ADCY2: variants seen among roughly 807,000 people sequenced by gnomAD.
ADCY2 encodes the protein adenylate cyclase type 2.
In ADCY2, 31 loss-of-function variants were observed where a neutral mutation model predicts 125.2. That is an observed-to-expected ratio of 0.25 (90% CI 0.19 to 0.33). The LOEUF is 0.33. Ranked by LOEUF, ADCY2 falls within the 10% of genes least tolerant of loss-of-function variation. The pLI, the probability that ADCY2 is intolerant of heterozygous loss-of-function variation, is 1.00. For synonymous variants in ADCY2, 512 were observed against 548.4 expected (o/e 0.93, Z 0.93); for missense variants, 904 against 1,418.2 (o/e 0.64, Z 5.82).
chr5:7,495,163 G>C (rs1743302310), intron 2 of ADCY2, among the ~76,000 whole-genome samples: 1 of 152,190 alleles, frequency 6.6e-6, no homozygotes, highest in Admixed American at 6.5e-5. Context: ...TTAGGTGCCT[G>C]CACATGTATG....
intron 2 of ADCY2, among the ~76,000 whole-genome samples, chr5:7,445,424 C>A (rs1741205044): frequency 6.6e-6 from 1 of 152,182 alleles, no homozygotes; most frequent in Non-Finnish European, 1.5e-5. Context: ...CAGGACCACT[C>A]TGTTTTATTT....
At chr5:7,744,983 T>TCTGTTAC (rs1244993189) in intron 15 of ADCY2, among the ~76,000 whole-genome samples, 4 of 152,228 alleles carry the variant, frequency 2.6e-5, no homozygotes, top group Admixed American at 6.5e-5. Flanking sequence ...TTGTGGCCTG[T>TCTGTTAC]CTGTTACCTC....
intron 2 of ADCY2, among the ~76,000 whole-genome samples, chr5:7,507,332 T>A (rs1249267270): frequency 5.9e-5 from 8 of 136,506 alleles, no homozygotes; most frequent in African/African-American, 2.3e-4. Context: ...TCCCAGCTAC[T>A]TGGGAGGCTG....
chr5:7,396,376 C>T lies in ADCY2; in HGVS notation c.80C>T (p.Pro27Leu), dbSNP rs758658597. The change falls in exon 1 of 25, where the codon CCG (proline) becomes CTG (leucine). Residue 27 changes from proline (P) to leucine (L), a missense_variant. Around this residue, in one of 7 missense-constraint regions of ADCY2, gnomAD observed 113 missense variants for 108.0 expected, o/e 1.05. Transcript: ENST00000338316. The surrounding 1 kb of genome is among the most constrained non-coding windows in gnomAD (Gnocchi z 5.7). ...GCGGCGGGCGGCGGAGACGGGCTGC[C>T]GCGGTCCCGGGACTGGCTCTACGAG... ...EEAAGGGDGL[P>L]RSRDWLYESY... 3 of 1,558,426 alleles carry T rather than the reference C, an allele frequency of 1.9e-6. No homozygotes were observed. Among genetic ancestry groups the T allele is most frequent in the Non-Finnish European group, 1.7e-6 (2 of 1,153,592 alleles).
chr5:7,741,671 TCATCAC>T (rs1431409783), intron 14 of ADCY2, among the ~76,000 whole-genome samples: 1 of 27,774 alleles, frequency 3.6e-5, no homozygotes, highest in Non-Finnish European at 7.7e-5. Context: ...ATCATCATCA[TCATCAC>T]CATCACCGTC....
At chr5:7,698,978 G>A (rs561014488) in intron 7 of ADCY2, among the ~76,000 whole-genome samples, 127 of 148,752 alleles carry the variant, frequency 8.5e-4, no homozygotes, top group Non-Finnish European at 1.3e-3. Flanking sequence ...CTGTCACAAC[G>A]GTTGAACTAA....
chr5:7,760,752 T>G (rs921149854), intron 16 of ADCY2, among the ~76,000 whole-genome samples: 2 of 152,230 alleles, frequency 1.3e-5, no homozygotes, highest in Non-Finnish European at 2.9e-5. Context: ...GCTTCTTGTG[T>G]GTGTGATTAG....
At chr5:7,674,062 G>A (rs1740031977) in intron 4 of ADCY2, among the ~76,000 whole-genome samples, 1 of 90,822 alleles carries the variant, frequency 1.1e-5, no homozygotes. Context: ...GGCCTCAGAG[G>A]GTAGGGTCCA....
chr5:7,575,505 G>C (rs1031424271), intron 3 of ADCY2, among the ~76,000 whole-genome samples: 1 of 151,884 alleles, frequency 6.6e-6, no homozygotes. Context: ...TCTTTCATTG[G>C]TTCATTTTTT....
In ADCY2 at chr5:7,828,242, A is replaced by G. The variant is rs1247689464; in HGVS notation, c.*1371A>G. The stretch of plus-strand genomic sequence containing the variant: ...TTTCTTTTTATAACTCATGGCAGGC[A>G]TCTGTAAGAAGTAGAGAACCCAGAT... On this transcript the variant is annotated 3_prime_UTR_variant, in exon 25 of 25. Transcript: ENST00000338316. 1 of 152,820 alleles carries G rather than the reference A, an allele frequency of 6.5e-6. No individual in the cohort carries two copies. Among genetic ancestry groups the G allele is most frequent in the Non-Finnish European group, 1.5e-5 (1 of 68,052 alleles). The allele number at this position is 152,820 out of a possible 1,614,324, so 9.5% of individuals were successfully genotyped here.
intron 11 of ADCY2, among the ~76,000 whole-genome samples, chr5:7,716,395 C>A (rs1741592006): frequency 6.6e-6 from 1 of 152,198 alleles, no homozygotes; most frequent in African/African-American, 2.4e-5. Flanking sequence ...CCAATGTATT[C>A]TTTCATAAAA....
chr5:7,515,533 C>A (rs1414147303), intron 2 of ADCY2, among the ~76,000 whole-genome samples: 2 of 152,118 alleles, frequency 1.3e-5, no homozygotes, highest in African/African-American at 4.8e-5. Context: ...AATGTCTGTC[C>A]AGTTGAGTGT....
At chr5:7,658,879 T>A (rs1739433744) in intron 4 of ADCY2, among the ~76,000 whole-genome samples, 1 of 152,152 alleles carries the variant, frequency 6.6e-6, no homozygotes, top group African/African-American at 2.4e-5. Context: ...TAACTCTTTT[T>A]TTTCGAAGGC....
chr5:7,466,831 G>A (rs1255651571), intron 2 of ADCY2, among the ~76,000 whole-genome samples: 1 of 152,174 alleles, frequency 6.6e-6, no homozygotes, highest in African/African-American at 2.4e-5. Flanking sequence ...GTGCCCGACA[G>A]CATTCTCATG....
intron 2 of ADCY2, among the ~76,000 whole-genome samples, chr5:7,477,214 A>AC (rs1184960246): frequency 6.6e-6 from 1 of 151,674 alleles, no homozygotes; most frequent in Non-Finnish European, 1.5e-5. Flanking sequence ...TTTAAAAGAG[A>AC]CCCCCATTAA....
intron 23 of ADCY2, among the ~76,000 whole-genome samples, chr5:7,817,823 CAAAAAAAAAAAAAAA>C (rs57731885): frequency 1.3e-5 from 1 of 78,298 alleles, no homozygotes; most frequent in African/African-American, 4.5e-5. Flanking sequence ...ACGCTGTCAC[CAAAAAAAAAAAAAAA>C]AAAAAAAAAA....
intron 12 of ADCY2, among the ~76,000 whole-genome samples, chr5:7,719,718 A>G (rs896679934): frequency 2.6e-5 from 4 of 152,184 alleles, no homozygotes; most frequent in Admixed American, 2.6e-4. Context: ...CACTCATACT[A>G]TCAGATCAGG....
intron 3 of ADCY2, among the ~76,000 whole-genome samples, chr5:7,616,930 G>A (rs992820546): frequency 6.6e-6 from 1 of 152,114 alleles, no homozygotes; most frequent in Non-Finnish European, 1.5e-5. Flanking sequence ...CCAGGGTTGT[G>A]TGCTCACAGA....
chr5:7,798,196 AG>A (rs1744484603), intron 20 of ADCY2: 2 of 47,934 alleles, frequency 4.2e-5, no homozygotes, highest in South Asian at 2.1e-3. Context: ...CGGACCTGAG[AG>A]GGTAGTGAGG....
Sources: gnomAD v4.1 joint callset for allele counts (sites outside exome capture counted in the v4.1 genomes callset) on GRCh38, gnomAD v4.1.1 for gene constraint, gnomAD v4.1.1 regional missense constraint, Gnocchi (gnomAD v3.1) non-coding constraint, MANE v1.5 for transcripts, NCBI Gene and HGNC (gene_info 2026-07-23, HGNC 2026-07-21) for gene names.